The following DLG2 variants were observed in gnomAD, a reference collection of about 807,000 sequenced individuals.
The protein encoded by DLG2 is disks large homolog 2.
In DLG2, 45 loss-of-function variants were observed where a neutral mutation model predicts 132.5. That is an observed-to-expected ratio of 0.34 (90% confidence interval 0.27 to 0.44). DLG2 has a LOEUF of 0.44. Ranked by LOEUF, DLG2 falls within the 20% of genes least tolerant of loss-of-function variation. DLG2 has a pLI of 1.00. For synonymous variants in DLG2, 424 were observed against 419.6 expected, an observed-to-expected ratio of 1.01 and a Z score of -0.13; for missense variants, 1,045 against 1,196.9, an observed-to-expected ratio of 0.87 and a Z score of 1.87.
At chr11:85,264,487 A>G (rs2077101500) in intron 4 of DLG2, among the ~76,000 whole-genome samples, 1 of 152,204 alleles carries the variant, frequency 6.6e-6, no homozygotes, top group Non-Finnish European at 1.5e-5. Context: ...CCTAATCAAC[A>G]GGACAGGTGT....
rs189482550 is a variant in DLG2, at chr11:85,439,055, T to C, written c.41-153690A>G. Among the ~76,000 whole-genome samples the C allele has an allele frequency of 4.0e-3, 611 of 152,354 alleles. 1 individual carries two copies. Among genetic ancestry groups the C allele is most frequent in the Non-Finnish European group, 6.5e-3 (444 of 68,034 alleles). On this transcript the variant is annotated intron_variant, in intron 3 of 27. Coordinates refer to ENST00000376104, the MANE Select transcript of DLG2 (RefSeq NM_001142699.3). ...TTTGTTGCTGAGTAGTATTCCATGG[T>C]ACTAATATACCACAGATTGTTTAAC...
chr11:83,918,842 A>G (rs372840581), intron 15 of DLG2, among the ~76,000 whole-genome samples: 12 of 54,564 alleles, frequency 2.2e-4, no homozygotes, highest in Non-Finnish European at 3.3e-4. Context: ...ATCTTGGTCA[A>G]AAAAAAAAAG....
intron 6 of DLG2, among the ~76,000 whole-genome samples, chr11:84,782,985 T>G (rs930787232): frequency 6.6e-6 from 1 of 152,166 alleles, no homozygotes; most frequent in African/African-American, 2.4e-5. Context: ...GTCCTTCCTA[T>G]GTATGAAGCA....
intron 15 of DLG2, among the ~76,000 whole-genome samples, chr11:83,926,094 A>G (rs1175584763): frequency 2.6e-5 from 4 of 151,226 alleles, no homozygotes; most frequent in Non-Finnish European, 5.9e-5. Flanking sequence ...CCTAAGAAAA[A>G]CTAACAACTT....
chr11:83,797,742 T>C (rs1267290874), intron 17 of DLG2, among the ~76,000 whole-genome samples: 1 of 152,048 alleles, frequency 6.6e-6, no homozygotes, highest in East Asian at 1.9e-4. Context: ...ATGGTCTCGA[T>C]CTCCTGACCT....
chr11:84,023,174 C>T (rs1017086747), intron 11 of DLG2, among the ~76,000 whole-genome samples: 3 of 152,076 alleles, frequency 2.0e-5, no homozygotes, highest in Admixed American at 6.6e-5. Flanking sequence ...ATTAAGTAAA[C>T]TGTTTTGAAA....
Position 84,928,982 on chromosome 11 carries a change from GTATATATATATATATATATATATA to G in DLG2, c.357+182655_357+182678del, listed in dbSNP as rs58945482. ...TATGTGTGTGTGTGTGTGTGTGTGTGTATATATATATATATATATATATATATATATATATATATATATTACTGT... is the reference window on the plus strand; with the variant it reads ...TATGTGTGTGTGTGTGTGTGTGTGTGTATATATATATATATATATTACTGT... On this transcript the variant is annotated intron_variant, in intron 6 of 27. Coordinates refer to ENST00000376104, the MANE Select transcript of DLG2 (RefSeq NM_001142699.3). Among the ~76,000 whole-genome samples, 86 of 49,118 alleles carry G rather than the reference GTATATATATATATATATATATATA, an allele frequency of 1.8e-3. 1 individual carries two copies. Among genetic ancestry groups the G allele is most frequent in the African/African-American group, 5.7e-3 (63 of 11,110 alleles). 32.2% of individuals were successfully genotyped at this position (49,118 alleles called of 152,430 possible).
At chr11:85,397,968 A>T (rs953146542) in intron 3 of DLG2, among the ~76,000 whole-genome samples, 3 of 152,302 alleles carry the variant, frequency 2.0e-5, no homozygotes, top group Admixed American at 2.0e-4. Context: ...AAATCAACAG[A>T]ATATACATTG....
intron 3 of DLG2, among the ~76,000 whole-genome samples, chr11:85,396,229 A>G (rs962346547): frequency 1.3e-5 from 2 of 152,216 alleles, no homozygotes; most frequent in Non-Finnish European, 2.9e-5. Flanking sequence ...GAATAGCATC[A>G]ACAACAACAA....
At chr11:85,030,093 G>C (rs551472759) in intron 6 of DLG2, among the ~76,000 whole-genome samples, 37 of 152,224 alleles carry the variant, frequency 2.4e-4, no homozygotes, top group African/African-American at 8.9e-4. Flanking sequence ...AGCGGGGAAG[G>C]CTGCCCACTT....
chr11:84,818,498 T>C (rs989096955), intron 6 of DLG2, among the ~76,000 whole-genome samples: 45 of 151,742 alleles, frequency 3.0e-4, no homozygotes, highest in African/African-American at 9.4e-4. Context: ...CCAATAAATA[T>C]TTCTTACATT....
At chr11:85,412,725 T>TCACACACACACACACACACACACACA (rs542505541) in intron 3 of DLG2, among the ~76,000 whole-genome samples, 1 of 92,254 alleles carries the variant, frequency 1.1e-5, no homozygotes, top group Non-Finnish European at 2.2e-5. Context: ...GAGCAGTATT[T>TCACACACACACACACACACACACACA]CACACACACA....
At chr11:84,430,547 A>G (rs2154472822) in intron 7 of DLG2, among the ~76,000 whole-genome samples, 1 of 152,268 alleles carries the variant, frequency 6.6e-6, no homozygotes, top group Middle Eastern at 3.4e-3. Context: ...AATACATGTA[A>G]TAATGCTCGA....
intron 7 of DLG2, among the ~76,000 whole-genome samples, chr11:84,527,808 T>G (rs942537219): frequency 3.3e-5 from 5 of 151,916 alleles, no homozygotes; most frequent in Non-Finnish European, 7.4e-5. Context: ...TAATATGTGA[T>G]AAAATATGAA....
chr11:83,683,521 A>C (rs915667131), intron 18 of DLG2, among the ~76,000 whole-genome samples: 8 of 152,220 alleles, frequency 5.3e-5, no homozygotes, highest in African/African-American at 1.9e-4. Flanking sequence ...TTTAGTAGAA[A>C]GGATAAAAAG....
chr11:84,131,417 T>C (rs2094417476), intron 9 of DLG2, among the ~76,000 whole-genome samples: 1 of 152,038 alleles, frequency 6.6e-6, no homozygotes, highest in Non-Finnish European at 1.5e-5. Context: ...TACATATACA[T>C]GTATACACAC....
intron 6 of DLG2, among the ~76,000 whole-genome samples, chr11:84,969,698 C>A (rs891190125): frequency 6.6e-6 from 1 of 152,036 alleles, no homozygotes; most frequent in East Asian, 1.9e-4. Context: ...TTCAGATGTA[C>A]CAACAAGAAA....
intron 3 of DLG2, among the ~76,000 whole-genome samples, chr11:85,581,332 G>T (rs531204236): frequency 6.6e-6 from 1 of 152,138 alleles, no homozygotes; most frequent in South Asian, 2.1e-4. Context: ...GCCTTCTCTG[G>T]CCAGGCACAG....
chr11:83,508,051 C>A (rs1565538167), intron 21 of DLG2, among the ~76,000 whole-genome samples: 1 of 151,782 alleles, frequency 6.6e-6, no homozygotes, highest in African/African-American at 2.4e-5. Context: ...ATGGTACCCA[C>A]CCAGATTAAG....
Sources: allele counts gnomAD v4.1 joint callset (sites outside exome capture counted in the v4.1 genomes callset), GRCh38; gene constraint gnomAD v4.1.1; transcripts MANE v1.5; gene names NCBI Gene and HGNC (gene_info 2026-07-23, HGNC 2026-07-21).